The following UQCC5 variants were observed in gnomAD, a reference collection of about 807,000 sequenced individuals.
UQCC5 encodes ubiquinol-cytochrome c reductase complex assembly factor 5.
the UQCC5 span, chr3:52,540,413 G>A: frequency 1.3e-6 from 2 of 1,514,398 alleles, no homozygotes; most frequent in Admixed American, 2.6e-5. Flanking sequence ...GCAACTTTTT[G>A]TTTGATACAG....
At chr3:52,538,278 G>T in the UQCC5 span, among the ~76,000 whole-genome samples, 1 of 152,170 alleles carries the variant, frequency 6.6e-6, no homozygotes, top group Non-Finnish European at 1.5e-5. Flanking sequence ...CTGGGGCAGG[G>T]GGTAGTGCAT....
the UQCC5 span, chr3:52,536,823 A>C: frequency 6.4e-7 from 1 of 1,551,708 alleles, no homozygotes; most frequent in Non-Finnish European, 8.7e-7. Context: ...TTTGGCATCT[A>C]CCGGTTCCTG....
At chr3:52,536,772 A>C in the UQCC5 span, 2 of 1,551,814 alleles carry the variant, frequency 1.3e-6, no homozygotes, top group Non-Finnish European at 1.7e-6. Context: ...ACCAGGGCCC[A>C]GGTGAGACGG....
the UQCC5 span, chr3:52,540,286 T>A: frequency 1.6e-6 from 1 of 633,786 alleles, no homozygotes; most frequent in Non-Finnish European, 2.6e-6. Context: ...TGTTTTAAGT[T>A]TATTTTGGCA....
the UQCC5 span, among the ~76,000 whole-genome samples, chr3:52,539,931 C>G: frequency 6.6e-6 from 1 of 152,190 alleles, no homozygotes; most frequent in Admixed American, 6.5e-5. Flanking sequence ...GCCACTGTGC[C>G]CGGCCTGGAA....
chr3:52,540,735 C>A, the UQCC5 span: 1 of 354,030 alleles, frequency 2.8e-6, no homozygotes. Context: ...TGAATCTAGT[C>A]CATGAAATAT....
At chr3:52,536,836 C>T in the UQCC5 span, 12 of 1,551,710 alleles carry the variant, frequency 7.7e-6, no homozygotes, top group Non-Finnish European at 9.6e-6. Flanking sequence ...GGTTCCTGCC[C>T]TTCTTTTTTG....
chr3:52,537,144 G>T, the UQCC5 span, among the ~76,000 whole-genome samples: 1 of 152,152 alleles, frequency 6.6e-6, no homozygotes, highest in Non-Finnish European at 1.5e-5. Context: ...GCTTCTTCCA[G>T]CCCTCTCATG....
At chr3:52,539,732 G>A in the UQCC5 span, among the ~76,000 whole-genome samples, 1 of 151,498 alleles carries the variant, frequency 6.6e-6, no homozygotes, top group East Asian at 1.9e-4. Context: ...TCTGCCTCCT[G>A]GGTTCAAGCG....
chr3:52,537,096 C>G, the UQCC5 span, among the ~76,000 whole-genome samples: 14 of 152,190 alleles, frequency 9.2e-5, no homozygotes, highest in African/African-American at 2.7e-4. Context: ...TGGCGTCCAG[C>G]CTTGTGACCT....
At chr3:52,539,426 G>A in the UQCC5 span, among the ~76,000 whole-genome samples, 1 of 152,108 alleles carries the variant, frequency 6.6e-6, no homozygotes, top group African/African-American at 2.4e-5. Context: ...ATCCTTCAGA[G>A]GAGCCCTGCA....
the UQCC5 span, chr3:52,537,048 A>C: frequency 8.4e-7 from 1 of 1,193,926 alleles, no homozygotes; most frequent in Admixed American, 2.3e-5. Flanking sequence ...TTCGCTTGGC[A>C]GTCAGGGCGG....
chr3:52,541,577 C>CA, the UQCC5 span: 1 of 152,228 alleles, frequency 6.6e-6, no homozygotes, highest in Non-Finnish European at 1.5e-5. Flanking sequence ...GCAGCAAGCC[C>CA]AGAGTCACAG....
the UQCC5 span, chr3:52,541,887 C>CTAACT: frequency 1.3e-5 from 2 of 152,208 alleles, no homozygotes; most frequent in East Asian, 3.8e-4. Flanking sequence ...AAACCATTGG[C>CTAACT]TAACTTTTGT....
At chr3:52,536,618 CCA>C in the UQCC5 span, 1 of 1,468,628 alleles carries the variant, frequency 6.8e-7, no homozygotes, top group South Asian at 1.4e-5. Context: ...CGTGCGCCTA[CCA>C]GACAGTGGCG....
chr3:52,536,756 A>C, the UQCC5 span: 2 of 1,551,690 alleles, frequency 1.3e-6, no homozygotes, highest in Non-Finnish European at 1.7e-6. Context: ...TCGGTCGAGC[A>C]TGTTCACCAG....
the UQCC5 span, among the ~76,000 whole-genome samples, chr3:52,539,630 GGAA>G: frequency 2.9e-3 from 415 of 141,314 alleles, no homozygotes; most frequent in African/African-American, 8.7e-3. Flanking sequence ...GAGCCATGAA[GGAA>G]GAAGATTTTT....
At chr3:52,537,836 AAGACTG>A in the UQCC5 span, among the ~76,000 whole-genome samples, 3 of 152,192 alleles carry the variant, frequency 2.0e-5, no homozygotes, top group South Asian at 2.1e-4. Flanking sequence ...GTAGGACCTG[AAGACTG>A]AGTAGGTGTC....
the UQCC5 span, among the ~76,000 whole-genome samples, chr3:52,537,653 G>C: frequency 4.6e-5 from 7 of 152,142 alleles, no homozygotes; most frequent in Non-Finnish European, 1.0e-4. Context: ...ACAAGGCAGA[G>C]GTGTCCCTTA....
Sources: gnomAD v4.1 joint callset for allele counts (sites outside exome capture counted in the v4.1 genomes callset) on GRCh38, gnomAD v4.1.1 for gene constraint, MANE v1.5 for transcripts, NCBI Gene and HGNC (gene_info 2026-07-23, HGNC 2026-07-21) for gene names.